NFAM1: variants seen among roughly 807,000 people sequenced by gnomAD.
NFAM1 encodes NFAT activation molecule 1.
A neutral mutation model predicts 29.0 loss-of-function variants in NFAM1; 17 were observed. That is an observed-to-expected ratio of 0.59 (90% CI 0.40 to 0.88). The LOEUF (loss-of-function observed/expected upper bound fraction) is 0.88, where lower values mean the gene tolerates loss of function less well. Ranked by LOEUF, NFAM1 falls within the 40% of genes least tolerant of loss-of-function variation. The probability of loss-of-function intolerance (pLI) is 0.00; values close to 1 mark genes in which losing one functional copy is unlikely to be tolerated. For synonymous variants in NFAM1, 175 were observed against 147.2 expected (o/e 1.19, Z -1.36); for missense variants, 324 against 344.6 (o/e 0.94, Z 0.47).
At position 42,409,435 on chromosome 22, in the gene NFAM1, C is replaced by T. The variant is rs537451518; in HGVS notation, c.564G>A (p.Lys188=). The T allele has an allele frequency of 6.8e-7, 1 of 1,463,800 alleles. No homozygotes were observed. 90.7% of individuals were successfully genotyped at this position (1,463,800 alleles called of 1,614,324 possible). ...ATGGCTGTGAGCACTGATCCCGTACCTTGTTCCAGAGCAGCAGGGCCGTGC... is the reference window on the plus strand; with the variant it reads ...ATGGCTGTGAGCACTGATCCCGTACTTTGTTCCAGAGCAGCAGGGCCGTGC... ...VVGTALLLWN[K]KRMRGPGKDP... Residue 188 remains lysine, a splice_region_variant and synonymous_variant, in exon 3 of 6, where the codon AAG becomes AAA. Transcript: ENST00000329021. The surrounding 1 kb of genome is among the most constrained non-coding windows in gnomAD (Gnocchi z 4.9).
intron 1 of NFAM1, among the ~76,000 whole-genome samples, chr22:42,424,371 T>C (rs1197251969): frequency 1.3e-5 from 2 of 151,722 alleles, no homozygotes; most frequent in African/African-American, 4.8e-5. Flanking sequence ...ACCGAGATTG[T>C]GCCACTGCAC....
chr22:42,386,698 C>T (rs558000453), intron 5 of NFAM1, among the ~76,000 whole-genome samples: 1 of 152,342 alleles, frequency 6.6e-6, no homozygotes, highest in East Asian at 1.9e-4. Context: ...ACATTCTACC[C>T]TCACTGAACA....
chr22:42,421,695 C>T (rs1930452903), intron 1 of NFAM1, among the ~76,000 whole-genome samples: 1 of 152,204 alleles, frequency 6.6e-6, no homozygotes, highest in South Asian at 2.1e-4. Context: ...CCAGACAACG[C>T]TGATCAAAGG....
Position 42,384,924 on chromosome 22 carries a change from C to T in NFAM1, c.*237G>A. 1.6e-6 allele frequency: 1 copy of T among 619,684 alleles called. No individual in the cohort carries two copies. The highest frequency in any genetic ancestry group is 1.8e-5 in the South Asian group (1 of 54,856). The allele number at this position is 619,684 out of a possible 1,614,324, so 38.4% of individuals were successfully genotyped here. A position where few individuals can be genotyped will look rare whatever the true frequency, so the allele number is the denominator to read the frequency against. On this transcript the variant is annotated 3_prime_UTR_variant, in exon 6 of 6. Coordinates refer to ENST00000329021, the MANE Select transcript of NFAM1 (RefSeq NM_145912.8). ...GCTGGTTGGGCCAAGGGAGGAAGGG[C>T]CTGCCTGGCAGAAGGAACAGCCTGG... is the stretch of plus-strand genomic sequence containing the variant.
intron 1 of NFAM1, among the ~76,000 whole-genome samples, chr22:42,431,584 C>CTCGGA (rs1555974822): frequency 6.6e-6 from 1 of 152,164 alleles, no homozygotes; most frequent in Non-Finnish European, 1.5e-5. Flanking sequence ...CACAGCTTGG[C>CTCGGA]TCGGATCCCG....
chr22:42,399,406 C>A (rs1929646655), intron 3 of NFAM1, among the ~76,000 whole-genome samples: 1 of 144,832 alleles, frequency 6.9e-6, no homozygotes, highest in Admixed American at 7.0e-5. Context: ...GAGATCACAC[C>A]ATTGCACTCC....
chr22:42,420,624 G>A (rs1313325788), intron 1 of NFAM1, among the ~76,000 whole-genome samples: 1 of 151,792 alleles, frequency 6.6e-6, no homozygotes, highest in Non-Finnish European at 1.5e-5. Context: ...AAATTAGCCG[G>A]GTATGGTGGC....
intron 4 of NFAM1, 82 bp downstream of exon 4, chr22:42,397,776 T>C: frequency 1.2e-6 from 1 of 818,288 alleles, no homozygotes; most frequent in East Asian, 2.4e-5. Flanking sequence ...GGTACAAGAC[T>C]GAGCCAGACA....
intron 5 of NFAM1, among the ~76,000 whole-genome samples, chr22:42,386,745 A>G (rs1161685983): frequency 6.6e-6 from 1 of 152,194 alleles, no homozygotes; most frequent in African/African-American, 2.4e-5. Context: ...CTCAATCTGC[A>G]CACAAGGAGA....
rs765629601 is a variant in NFAM1 at position 42,409,546 on chromosome 22, G to A, written c.453C>T (p.Asp151=). 9.0e-5 allele frequency: 135 copies of A among 1,492,066 alleles called. No individual in the cohort carries two copies. The highest frequency in any genetic ancestry group is 1.1e-4 in the Non-Finnish European group (128 of 1,114,390). The allele number at this position is 1,492,066 out of a possible 1,614,324, so 92.4% of individuals were successfully genotyped here. A position where few individuals can be genotyped will look rare whatever the true frequency, so the allele number is the denominator to read the frequency against. ...TCTGCGGGGGCTCTCGGTACCCTGC[G>A]TCTAGGAGGAAGCGCAGGGGAGCAG... ...RGSGTFILVR[D]AGYREPPQSP... is the part of the protein sequence containing the mutation. The change falls in exon 3 of 6, where the codon GAC becomes GAT. Residue 151 remains aspartate (D), a splice_region_variant and synonymous_variant. Coordinates refer to ENST00000329021, the MANE Select transcript of NFAM1 (RefSeq NM_145912.8). The surrounding 1 kb of genome is among the most constrained non-coding windows in gnomAD (Gnocchi z 4.9).
intron 1 of NFAM1, among the ~76,000 whole-genome samples, chr22:42,423,112 C>CCAAAAAAAAA (rs1930502730): frequency 1.3e-5 from 1 of 75,714 alleles, no homozygotes; most frequent in Non-Finnish European, 2.2e-5. Flanking sequence ...GACTCCATCT[C>CCAAAAAAAAA]AAAAAAAAAA....
At position 42,427,893 on chromosome 22, in the gene NFAM1, G is replaced by A. The variant is rs568743756; in HGVS notation, c.121+4344C>T. On this transcript the variant is annotated intron_variant, in intron 1 of 5. Transcript: ENST00000329021. ...GATGGGGGTACCTTTGGTGGGGCAC[G>A]GAGCGGGGCAGTGTCTGTGGGGCGA... Among the ~76,000 whole-genome samples, 20 of 152,292 alleles carry A rather than the reference G, an allele frequency of 1.3e-4. No individual in the cohort carries two copies. The South Asian group carries it at 1.9e-3, about 14-fold the overall frequency.
At chr22:42,417,208 A>G (rs1206103141) in intron 1 of NFAM1, among the ~76,000 whole-genome samples, 1 of 152,154 alleles carries the variant, frequency 6.6e-6, no homozygotes, top group Non-Finnish European at 1.5e-5. Context: ...CTTCAGCTTT[A>G]GAGTTTGAAG....
rs896206610 is a variant in NFAM1, at chr22:42,388,661, G to T, written c.664-1583C>A. 6.6e-6 allele frequency among the ~76,000 whole-genome samples: 1 copy of T among 151,832 alleles called. No individual in the cohort carries two copies. The highest frequency in any genetic ancestry group is 2.4e-5 in the African/African-American group (1 of 41,442). The stretch of plus-strand genomic sequence containing the variant: ...GGGCGGGAGGCGGGAGGGAAGGAGG[G>T]AGGGAGGCAGGCGCCAAGAGGCAGC... On this transcript the variant is annotated intron_variant, in intron 4 of 5. Coordinates refer to ENST00000329021, the MANE Select transcript of NFAM1 (RefSeq NM_145912.8). The surrounding 1 kb of genome is among the most constrained non-coding windows in gnomAD (Gnocchi z 4.1).
At chr22:42,420,019 T>G (rs1345438892) in intron 1 of NFAM1, among the ~76,000 whole-genome samples, 16 of 112,064 alleles carry the variant, frequency 1.4e-4, no homozygotes, top group South Asian at 1.2e-3. Flanking sequence ...TTTTTTTTTT[T>G]TTTTTTTCTG....
At chr22:42,393,495 G>A (rs1222905317) in intron 4 of NFAM1, among the ~76,000 whole-genome samples, 1 of 151,744 alleles carries the variant, frequency 6.6e-6, no homozygotes, top group East Asian at 1.9e-4. Context: ...AGCAACCTCC[G>A]CCTCCCAGGT....
At chr22:42,396,048 C>A (rs1340602820) in intron 4 of NFAM1, among the ~76,000 whole-genome samples, 1 of 152,044 alleles carries the variant, frequency 6.6e-6, no homozygotes, top group East Asian at 1.9e-4. Context: ...CTCTTGATAC[C>A]ATCATCGTTG....
In NFAM1 at chr22:42,432,155, A is replaced by G. The variant is rs560161324; in HGVS notation, c.121+82T>C. On this transcript the variant is annotated intron_variant, in intron 1 of 5. Transcript: ENST00000329021. The stretch of plus-strand genomic sequence containing the variant: ...AAATCCCCAGAGACAGGTCCCTGGG[A>G]ATTAGCTGCGCCGGGCGGGATGAAA... 1,930 of 1,242,070 alleles carry G rather than the reference A, an allele frequency of 1.6e-3. 3 individuals are homozygous for G. Among genetic ancestry groups the G allele is most frequent in the Non-Finnish European group, 2.1e-3 (1,826 of 866,520 alleles). The allele number at this position is 1,242,070 out of a possible 1,614,324, so 76.9% of individuals were successfully genotyped here.
chr22:42,420,451 G>A (rs878971356), intron 1 of NFAM1, among the ~76,000 whole-genome samples: 1 of 152,060 alleles, frequency 6.6e-6, no homozygotes, highest in South Asian at 2.1e-4. Context: ...CAGCCTGGGT[G>A]ACAAAGAGAG....
Sources: allele counts gnomAD v4.1 joint callset (sites outside exome capture counted in the v4.1 genomes callset), GRCh38; gene constraint gnomAD v4.1.1; non-coding constraint Gnocchi (gnomAD v3.1); transcripts MANE v1.5; gene names NCBI Gene and HGNC (gene_info 2026-07-23, HGNC 2026-07-21).